Variants in SLC34A2 observed in about 807,000 individuals in gnomAD.
SLC34A2 encodes the protein sodium-dependent phosphate transport protein 2B.
SLC34A2 carries 41 observed loss-of-function variants against 50.8 expected under a neutral mutation model. That is an observed-to-expected ratio of 0.81 (90% CI 0.63 to 1.05). The LOEUF (loss-of-function observed/expected upper bound fraction) is 1.05, where lower values mean the gene tolerates loss of function less well. SLC34A2 is among the 50% of genes least tolerant of loss of function. The pLI is 0.00. For missense variants in SLC34A2, 879 were observed against 876.7 expected (o/e 1.00, Z -0.03); for synonymous variants, 401 against 364.2 (o/e 1.10, Z -1.15).
chr4:25,673,986 G>A (rs370653123), intron 10 of SLC34A2, among the ~76,000 whole-genome samples: 16 of 152,302 alleles, frequency 1.1e-4, no homozygotes, highest in East Asian at 3.9e-4. Flanking sequence ...CAGGGCAGGC[G>A]AGGAAGCATG....
At chr4:25,670,173 A>G (rs746258411) in intron 7 of SLC34A2, among the ~76,000 whole-genome samples, 12 of 152,192 alleles carry the variant, frequency 7.9e-5, no homozygotes, top group Non-Finnish European at 1.5e-4. Flanking sequence ...CAGTGAGCTG[A>G]GAATTGTGCC....
rs1714269260 is a variant in SLC34A2, at chr4:25,662,712, C to T, written c.120C>T (p.Asn40=). 1 of 1,614,134 alleles carries T rather than the reference C, an allele frequency of 6.2e-7. No homozygotes were observed. Among genetic ancestry groups the T allele is most frequent in the Non-Finnish European group, 8.5e-7 (1 of 1,180,022 alleles). ...DKSKETNKTD[N]TEAPVTKIEL... ...CCCTTTTGCTTGTTTCAGCAGATAA[C>T]ACTGAGGCACCTGTAACCAAGATTG... Residue 40 remains asparagine, a synonymous_variant, in exon 3 of 13, where the codon AAC becomes AAT. Transcript: ENST00000382051.
At chr4:25,672,296 A>C (rs1714859691) in intron 9 of SLC34A2, among the ~76,000 whole-genome samples, 1 of 152,202 alleles carries the variant, frequency 6.6e-6, no homozygotes, top group Non-Finnish European at 1.5e-5. Flanking sequence ...AACTTTAGGG[A>C]GACGACAACC....
rs962345659 is a variant in SLC34A2 at position 25,666,758 on chromosome 4, G to C, written c.523+487G>C. Among the ~76,000 whole-genome samples, 3 of 152,308 alleles carry C rather than the reference G, an allele frequency of 2.0e-5. No homozygotes were observed. In the Middle Eastern group the frequency reaches 0.01, roughly 518 times the overall value. ...GGCCACTCTCAGTGCTAAGAAGAAAGACAACTTAATCACATCACAAATTGC... is the reference window on the plus strand; with the variant it reads ...GGCCACTCTCAGTGCTAAGAAGAAACACAACTTAATCACATCACAAATTGC... On this transcript the variant is annotated intron_variant, in intron 5 of 12. Coordinates refer to ENST00000382051, the MANE Select transcript of SLC34A2 (RefSeq NM_006424.3).
chr4:25,676,240 T>G lies in SLC34A2; in HGVS notation c.1564T>G (p.Ser522Ala). 2 of 1,614,200 alleles carry G rather than the reference T, an allele frequency of 1.2e-6. No homozygotes were observed. Among genetic ancestry groups the G allele is most frequent in the Non-Finnish European group, 1.7e-6 (2 of 1,180,044 alleles). Residue 522 changes from serine to alanine, a missense_variant, in exon 13 of 13, where the codon TCT (serine) becomes GCT (alanine). By Grantham distance (99) the Ser-to-Ala change is moderately conservative. Coordinates refer to ENST00000382051, the MANE Select transcript of SLC34A2 (RefSeq NM_006424.3). ...CATGGCCAAGGGGCTGGGCAACATCTCTGCCAAGTATCGCTGGTTCGCCGT... is the reference window on the plus strand; with the variant it reads ...CATGGCCAAGGGGCTGGGCAACATCGCTGCCAAGTATCGCTGGTTCGCCGT... ...IRMAKGLGNI[S>A]AKYRWFAVFY... is the part of the protein sequence containing the mutation.
At chr4:25,660,125 T>C (rs1331799424) in intron 1 of SLC34A2, among the ~76,000 whole-genome samples, 1 of 152,242 alleles carries the variant, frequency 6.6e-6, no homozygotes, top group African/African-American at 2.4e-5. Context: ...CTTTTTGGTC[T>C]ACATCACATT....
chr4:25,668,640 T>TCAAAAAAA (rs541385518), intron 6 of SLC34A2, among the ~76,000 whole-genome samples: 2 of 141,420 alleles, frequency 1.4e-5, no homozygotes, highest in African/African-American at 5.2e-5. Context: ...AGACTCCATC[T>TCAAAAAAA]AAAAAAAAAA....
chr4:25,671,678 C>T lies in SLC34A2; in HGVS notation c.1005C>T (p.Asn335=), dbSNP rs954572205. The T allele has an allele frequency of 6.2e-7, 1 of 1,614,092 alleles. No homozygotes were observed. Among genetic ancestry groups the T allele is most frequent in the African/African-American group, 1.3e-5 (1 of 74,930 alleles). Residue 335 remains asparagine (N), a synonymous_variant, in exon 9 of 13, where the codon AAC becomes AAT. Coordinates refer to ENST00000382051, the MANE Select transcript of SLC34A2 (RefSeq NM_006424.3). ...TCTGTTGGACGGATGGCATCCAAAA[C>T]TGGACCATGAAGAATGTGACCTACA... ...PSLCWTDGIQ[N]WTMKNVTYKE...
chr4:25,674,507 A>G lies in SLC34A2; in HGVS notation c.1336A>G (p.Ile446Val). ...TTTGTGTTTTGTGTTTCCCCCAGGAATCGGCGTGATAACCATTGAGAGGGC... is the reference window on the plus strand; with the variant it reads ...TTTGTGTTTTGTGTTTCCCCCAGGAGTCGGCGTGATAACCATTGAGAGGGC... Reference protein sequence around the residue: ...FTSALTPLIGIGVITIERAYP... With the variant: ...FTSALTPLIGVGVITIERAYP... The change falls in exon 12 of 13, where the codon ATC (isoleucine) becomes GTC (valine). Residue 446 changes from isoleucine to valine, a missense_variant and splice_region_variant. Coordinates refer to ENST00000382051, the MANE Select transcript of SLC34A2 (RefSeq NM_006424.3). The G allele has an allele frequency of 6.2e-7, 1 of 1,614,200 alleles. No homozygotes were observed. The highest frequency in any genetic ancestry group is 8.5e-7 in the Non-Finnish European group (1 of 1,180,048).
intron 9 of SLC34A2, among the ~76,000 whole-genome samples, chr4:25,672,029 T>C (rs1355227851): frequency 6.6e-6 from 1 of 152,176 alleles, no homozygotes; most frequent in Admixed American, 6.5e-5. Context: ...TTTGTTCAGA[T>C]TCCTTTAGTC....
chr4:25,666,028 G>A (rs2109052683), intron 4 of SLC34A2, 100 bp from the exon 5 acceptor site: 2 of 1,495,092 alleles, frequency 1.3e-6, no homozygotes, highest in Non-Finnish European at 1.8e-6. Flanking sequence ...GCAACCCACA[G>A]CCAGCTGGCC....
intron 5 of SLC34A2, 91 bp downstream of exon 5, chr4:25,666,362 A>G: frequency 1.4e-6 from 2 of 1,439,036 alleles, no homozygotes; most frequent in Non-Finnish European, 1.9e-6. Context: ...TTCACTCTGA[A>G]TATGTCCAGG....
At position 25,673,076 on chromosome 4, in the gene SLC34A2, T is replaced by C. The variant is rs967172413; in HGVS notation, c.1049-11T>C. On this transcript the variant is annotated splice_polypyrimidine_tract_variant and intron_variant, in intron 9 of 12. Transcript: ENST00000382051. Reference sequence around the variant, plus strand: ...CATGCCCTCCTGACAAGATTCTTTGTGGTCTTTCAGGCCAGCATATCTTTG... The same window carrying C: ...CATGCCCTCCTGACAAGATTCTTTGCGGTCTTTCAGGCCAGCATATCTTTG... 2 of 1,614,016 alleles carry C rather than the reference T, an allele frequency of 1.2e-6. No individual in the cohort carries two copies. The highest frequency in any genetic ancestry group is 8.5e-7 in the Non-Finnish European group (1 of 1,180,000).
At chr4:25,669,944 C>T (rs1416094838) in intron 7 of SLC34A2, 102 bp downstream of exon 7, 20 of 1,103,516 alleles carry the variant, frequency 1.8e-5, no homozygotes, top group Non-Finnish European at 2.5e-5. Context: ...TATTCTGGGC[C>T]TGGCATGGTG....
chr4:25,671,757 G>A (rs1379130707), intron 9 of SLC34A2, 36 bp downstream of exon 9: 5 of 1,614,032 alleles, frequency 3.1e-6, no homozygotes, highest in South Asian at 1.1e-5. Context: ...ACTATGACAG[G>A]TGTTGTCTGG....
chr4:25,662,089 C>G (rs920067004), intron 1 of SLC34A2, among the ~76,000 whole-genome samples: 23 of 152,130 alleles, frequency 1.5e-4, no homozygotes, highest in African/African-American at 5.3e-4. Context: ...CAAGGCTGGT[C>G]TCAAACTCCT....
chr4:25,666,147 C>T lies in SLC34A2; in HGVS notation c.399C>T (p.Phe133=). The T allele has an allele frequency of 6.2e-7, 1 of 1,613,836 alleles. No individual in the cohort carries two copies. The highest frequency in any genetic ancestry group is 1.3e-5 in the African/African-American group (1 of 75,028). ...QLVGGKMAGQ[F]FSNSSIMSNP... ...TCCCAGGAAAAATGGCAGGACAGTT[C>T]TTCAGCAACAGCTCTATTATGTCCA... Residue 133 remains phenylalanine, a synonymous_variant, in exon 5 of 13, where the codon TTC becomes TTT. Transcript: ENST00000382051.
intron 5 of SLC34A2, among the ~76,000 whole-genome samples, chr4:25,667,366 G>C (rs757156310): frequency 6.6e-6 from 1 of 152,146 alleles, no homozygotes; most frequent in African/African-American, 2.4e-5. Flanking sequence ...ACAAAAATTA[G>C]CTGGATGTGG....
chr4:25,676,181 G>A lies in SLC34A2; in HGVS notation c.1505G>A (p.Trp502Ter). The change falls in exon 13 of 13, where the codon TGG (tryptophan) becomes TAG (stop). Residue 502 changes from tryptophan to a stop codon, truncating the protein, a stop_gained. Coordinates refer to ENST00000382051, the MANE Select transcript of SLC34A2 (RefSeq NM_006424.3). LOFTEE classifies it low-confidence loss of function (END_TRUNC). Reference protein sequence around the residue: ...FFFNISGILLWYPIPFTRLPI... With the variant: ...FFFNISGILL ...TTCAACATCTCCGGCATCTTGCTGT[G>A]GTACCCGATCCCGTTCACTCGCCTG... 6.2e-7 allele frequency: 1 copy of A among 1,614,160 alleles called. No homozygotes were observed.
Sources: allele counts gnomAD v4.1 joint callset (sites outside exome capture counted in the v4.1 genomes callset), GRCh38; gene constraint gnomAD v4.1.1; transcripts MANE v1.5; gene names NCBI Gene and HGNC (gene_info 2026-07-23, HGNC 2026-07-21).